Variants in ZNF808 observed in about 807,000 individuals in gnomAD.
ZNF808 encodes the protein zinc finger protein 808.
In ZNF808, 5 loss-of-function variants were observed where a neutral mutation model predicts 8.7. The observed-to-expected ratio is 0.58, with a 90% confidence interval of 0.30 to 1.21. The LOEUF is 1.21. Among genes scored for constraint, ZNF808 ranks in the 50% most tolerant of loss-of-function variants. The probability of loss-of-function intolerance (pLI) is 0.07; values close to 1 mark genes in which losing one functional copy is unlikely to be tolerated. For missense variants in ZNF808, 1,103 were observed against 1,098.4 expected, an observed-to-expected ratio of 1.00 and a Z score of -0.06; for synonymous variants, 380 against 366.0, an observed-to-expected ratio of 1.04 and a Z score of -0.44.
At chr19:52,566,743 T>C (rs1324017047), downstream of ZNF808, among the ~76,000 whole-genome samples, 1 of 152,102 alleles carries the variant, frequency 6.6e-6, no homozygotes, top group Non-Finnish European at 1.5e-5. Flanking sequence ...TTCAAGTCCA[T>C]TAAAACTAGC....
At position 52,547,629 on chromosome 19, in the gene ZNF808, G is replaced by C. The variant is rs181265618; in HGVS notation, c.181G>C (p.Glu61Gln). ...GATGTTGGAGAACTACAGGAACCTGGAGGCTGTGGGTGAGGAAAATGTCCC... is the reference window on the plus strand; with the variant it reads ...GATGTTGGAGAACTACAGGAACCTGCAGGCTGTGGGTGAGGAAAATGTCCC... Reference protein sequence around the residue: ...EVMLENYRNLEAVDISSKHMM... With the variant: ...EVMLENYRNLQAVDISSKHMM... Residue 61 changes from glutamate (E) to glutamine (Q), a missense_variant, in exon 4 of 5, where the codon GAG becomes CAG. Physicochemically the swap from Glu to Gln is conservative, Grantham distance 29. Transcript: ENST00000359798. The C allele has an allele frequency of 1.9e-3, 3,140 of 1,614,042 alleles. 7 individuals carry two copies. Among genetic ancestry groups the C allele is most frequent in the Non-Finnish European group, 2.4e-3 (2,826 of 1,179,978 alleles).
In ZNF808 at chr19:52,555,180, G is replaced by A. The variant is rs900945897; in HGVS notation, c.2264G>A (p.Arg755Lys). 3 of 1,613,566 alleles carry A rather than the reference G, an allele frequency of 1.9e-6. No individual in the cohort carries two copies. In the African/African-American group the frequency reaches 4.0e-5, roughly 22 times the overall value. The part of the protein sequence containing the change: ...SQKATLLCHR[R>K]LHSGEKPYKC... ...AAGGCAACCCTTCTATGCCATCGTAGACTTCATAGTGGTGAGAAACCTTAC... is the reference window on the plus strand; with the variant it reads ...AAGGCAACCCTTCTATGCCATCGTAAACTTCATAGTGGTGAGAAACCTTAC... Residue 755 changes from arginine (R) to lysine (K), a missense_variant, in exon 5 of 5, where the codon AGA becomes AAA. By Grantham distance (26) the Arg-to-Lys change is conservative (BLOSUM62 2). Transcript: ENST00000359798.
chr19:52,530,695 A>T (rs2059554251), intron 1 of ZNF808, among the ~76,000 whole-genome samples: 1 of 151,446 alleles, frequency 6.6e-6, no homozygotes, highest in South Asian at 2.1e-4. Context: ...AAAGTAAGGA[A>T]CATCAAAGTT....
rs2059815720 is a variant in ZNF808 at position 52,554,649 on chromosome 19, A to C, written c.1733A>C (p.Gln578Pro). The change falls in exon 5 of 5, where the codon CAA becomes CCA. Residue 578 changes from glutamine to proline, a missense_variant. Coordinates refer to ENST00000359798, the MANE Select transcript of ZNF808 (RefSeq NM_001039886.4). Reference protein sequence around the residue: ...KCNECGKAFNQQSHLSRHRRL... With the variant: ...KCNECGKAFNPQSHLSRHRRL... ...AATGAATGTGGGAAAGCTTTTAATC[A>C]ACAATCACATCTTTCACGTCATCGT... The C allele has an allele frequency of 6.2e-7, 1 of 1,614,016 alleles. No individual in the cohort carries two copies. Among genetic ancestry groups the C allele is most frequent in the Admixed American group, 1.7e-5 (1 of 59,998 alleles).
At chr19:52,561,158 TTCTCTC>T (rs1191860993), downstream of ZNF808, among the ~76,000 whole-genome samples, 1,186 of 50,884 alleles carry the variant, frequency 0.023, 9 homozygotes, top group Non-Finnish European at 0.028. Context: ...CTTCTATCTG[TTCTCTC>T]TCTCTCTCTC....
chr19:52,564,277 C>T, exon 4 of ZNF808: 1 of 728,564 alleles, frequency 1.4e-6, no homozygotes. Flanking sequence ...GTGTGAGCAT[C>T]ATAATCACGT....
At chr19:52,567,177 C>G (rs981627953), downstream of ZNF808, among the ~76,000 whole-genome samples, 12 of 152,008 alleles carry the variant, frequency 7.9e-5, no homozygotes, top group African/African-American at 2.9e-4. Flanking sequence ...GTCTCGAACC[C>G]CTGATCTCAG....
At chr19:52,544,462 C>T (rs1000987802) in intron 3 of ZNF808, among the ~76,000 whole-genome samples, 1 of 152,054 alleles carries the variant, frequency 6.6e-6, no homozygotes, top group Non-Finnish European at 1.5e-5. Context: ...TACCAAGTTG[C>T]TGGGACTACA....
At chr19:52,560,836 C>T (rs1039275225), downstream of ZNF808, among the ~76,000 whole-genome samples, 4 of 152,112 alleles carry the variant, frequency 2.6e-5, no homozygotes, top group African/African-American at 9.7e-5. Context: ...CCACCCTTGC[C>T]CTCCTTTTCC....
rs780720195 is a variant in ZNF808, at chr19:52,555,328, A to T, written c.2412A>T (p.Ser804=). Residue 804 remains serine, a synonymous_variant, in exon 5 of 5, where the codon TCA becomes TCT. Transcript: ENST00000359798. Reference sequence around the variant, plus strand: ...GTGACAAGGCTTTCGTGCGTAATTCATACCTGGCAAGACATATTAGAATTC... The same window carrying T: ...GTGACAAGGCTTTCGTGCGTAATTCTTACCTGGCAAGACATATTAGAATTC... ...TVCDKAFVRN[S]YLARHIRIHT... 1 of 1,614,220 alleles carries T rather than the reference A, an allele frequency of 6.2e-7. No individual in the cohort carries two copies. The highest frequency in any genetic ancestry group is 8.5e-7 in the Non-Finnish European group (1 of 1,180,042).
Position 52,554,354 on chromosome 19 carries a change from G to C in ZNF808, c.1438G>C (p.Glu480Gln). The stretch of plus-strand genomic sequence containing the variant: ...ACGACATAGAAGAATTCACACTGGA[G>C]AGAAAACTTACAAGTGTAATGAGTG... Reference protein sequence around the residue: ...LARHRRIHTGEKTYKCNECRK... With the variant: ...LARHRRIHTGQKTYKCNECRK... Residue 480 changes from glutamate to glutamine, a missense_variant, in exon 5 of 5, where the codon GAG becomes CAG. By Grantham distance (29) the Glu-to-Gln change is conservative. Coordinates refer to ENST00000359798, the MANE Select transcript of ZNF808 (RefSeq NM_001039886.4). 1 of 1,614,064 alleles carries C rather than the reference G, an allele frequency of 6.2e-7. No homozygotes were observed. The highest frequency in any genetic ancestry group is 8.5e-7 in the Non-Finnish European group (1 of 1,180,010).
intron 1 of ZNF808, among the ~76,000 whole-genome samples, chr19:52,530,605 G>A (rs2123058415): frequency 6.6e-6 from 1 of 151,800 alleles, no homozygotes; most frequent in South Asian, 2.1e-4. Context: ...AGAGGTTGCA[G>A]TGAGCCGAGA....
At chr19:52,563,826 T>C (rs1568495751) in exon 4 of ZNF808, 1 of 188,860 alleles carries the variant, frequency 5.3e-6, no homozygotes, top group Non-Finnish European at 1.1e-5. Flanking sequence ...TGAAACCCCG[T>C]CTCTACTAAA....
In ZNF808 at chr19:52,550,514, AC is replaced by A. The variant is rs1312889115; in HGVS notation, c.191-2591del. Among the ~76,000 whole-genome samples, 14 of 147,716 alleles carry A rather than the reference AC, an allele frequency of 9.5e-5. No individual in the cohort carries two copies. In the South Asian group the frequency reaches 3.0e-3, roughly 32 times the overall value. On this transcript the variant is annotated intron_variant, in intron 4 of 4. Coordinates refer to ENST00000359798, the MANE Select transcript of ZNF808 (RefSeq NM_001039886.4). The stretch of plus-strand genomic sequence containing the variant: ...CAAAGTGCTGGGATTACAGGCATGA[AC>A]CACTGTGTCCGGGCTATTTTTTTTT...
At chr19:52,568,312 C>T (rs1325481531), downstream of ZNF808, among the ~76,000 whole-genome samples, 2 of 152,134 alleles carry the variant, frequency 1.3e-5, no homozygotes, top group African/African-American at 2.4e-5. Context: ...ACGTGGAGGT[C>T]GTAGTGAGCC....
At position 52,554,180 on chromosome 19, in the gene ZNF808, A is replaced by G; in HGVS notation, c.1264A>G (p.Thr422Ala). ...CCTTGCACGTCATCATATACTTCAT[A>G]CTGGAGAGAAACCTTACAAATGTGA... ...SSLARHHILH[T>A]GEKPYKCEEC... Residue 422 changes from threonine to alanine, a missense_variant, in exon 5 of 5, where the codon ACT becomes GCT. Thr to Ala is a moderately conservative substitution (Grantham distance 58, BLOSUM62 0). Coordinates refer to ENST00000359798, the MANE Select transcript of ZNF808 (RefSeq NM_001039886.4). 1 of 1,614,166 alleles carries G rather than the reference A, an allele frequency of 6.2e-7. No homozygotes were observed. Among genetic ancestry groups the G allele is most frequent in the Non-Finnish European group, 8.5e-7 (1 of 1,180,030 alleles).
At chr19:52,559,801 A>C (rs1290554599), downstream of ZNF808, among the ~76,000 whole-genome samples, 1 of 151,980 alleles carries the variant, frequency 6.6e-6, no homozygotes, top group African/African-American at 2.4e-5. Flanking sequence ...ATTTTGGCTC[A>C]CTGTAGCTTC....
intron 3 of ZNF808, among the ~76,000 whole-genome samples, chr19:52,544,388 T>C (rs552966738): frequency 2.0e-5 from 3 of 152,256 alleles, no homozygotes; most frequent in Admixed American, 1.3e-4. Flanking sequence ...TGGAGCGCAG[T>C]GGTACGATCT....
At chr19:52,531,901 T>C (rs1458371778) in intron 1 of ZNF808, among the ~76,000 whole-genome samples, 2 of 152,224 alleles carry the variant, frequency 1.3e-5, no homozygotes, top group Non-Finnish European at 2.9e-5. Flanking sequence ...GCTGTGTATT[T>C]ACTTGAACTC....
Sources: gnomAD v4.1 joint callset for allele counts (sites outside exome capture counted in the v4.1 genomes callset) on GRCh38, gnomAD v4.1.1 for gene constraint, MANE v1.5 for transcripts, NCBI Gene and HGNC (gene_info 2026-07-23, HGNC 2026-07-21) for gene names.